The following HDAC4 variants were observed in gnomAD, a reference collection of about 807,000 sequenced individuals.
HDAC4 encodes the protein histone deacetylase A.
In HDAC4, 16 loss-of-function variants were observed where a neutral mutation model predicts 135.1. The ratio of observed to expected loss-of-function variants is 0.12; its 90% CI spans 0.08 to 0.18. HDAC4 has a LOEUF of 0.18. HDAC4 is among the 10% of genes least tolerant of loss of function. HDAC4 has a pLI of 1.00. For missense variants in HDAC4, 1,143 were observed against 1,511.8 expected, an observed-to-expected ratio of 0.76 and a Z score of 4.05; for synonymous variants, 685 against 653.4, an observed-to-expected ratio of 1.05 and a Z score of -0.74.
intron 2 of HDAC4, among the ~76,000 whole-genome samples, chr2:239,351,148 G>T (rs1451390791): frequency 6.6e-6 from 1 of 152,190 alleles, no homozygotes; most frequent in African/African-American, 2.4e-5. Flanking sequence ...AAGTGCACGG[G>T]CTCACTGACC....
intron 4 of HDAC4, among the ~76,000 whole-genome samples, chr2:239,176,926 A>T (rs959236540): frequency 6.6e-6 from 1 of 152,202 alleles, no homozygotes; most frequent in Non-Finnish European, 1.5e-5. Context: ...ACTGCTGGGC[A>T]CTTCCTTATA....
chr2:239,106,923 T>C (rs1335875200), intron 15 of HDAC4, among the ~76,000 whole-genome samples: 1 of 152,178 alleles, frequency 6.6e-6, no homozygotes, highest in African/African-American at 2.4e-5. Context: ...CCCTGTGCGC[T>C]ATCTGTAGGA....
intron 1 of HDAC4, among the ~76,000 whole-genome samples, chr2:239,380,170 C>G (rs532535982): frequency 4.6e-4 from 70 of 152,370 alleles, no homozygotes; most frequent in African/African-American, 1.6e-3. Flanking sequence ...ACAATCAGTT[C>G]TGGAGATCTG....
Position 239,134,617 on chromosome 2 carries a change from T to G in HDAC4, c.1005A>C (p.Ala335=). Residue 335 remains alanine, a synonymous_variant, in exon 10 of 27, where the codon GCA becomes GCC. Coordinates refer to ENST00000543185, the MANE Select transcript of HDAC4 (RefSeq NM_001378414.1). ...AETSLAHRLV[A]REGSAAPLPL... ...GAAGTGGAGCGGCCGAGCCTTCTCG[T>G]GCCACAAGTCTGTGCGCCAAACTCG... 2 of 1,614,186 alleles carry G rather than the reference T, an allele frequency of 1.2e-6. No individual in the cohort carries two copies. Among genetic ancestry groups the G allele is most frequent in the Admixed American group, 1.7e-5 (1 of 60,030 alleles).
In HDAC4 at chr2:239,263,771, C is replaced by G. The variant is rs188008386; in HGVS notation, c.23-27107G>C. Among the ~76,000 whole-genome samples the G allele has an allele frequency of 1.1e-3, 166 of 152,338 alleles. 1 individual carries two copies. The East Asian group carries it at 0.019, about 18-fold the overall frequency. On this transcript the variant is annotated intron_variant, in intron 2 of 26. Transcript: ENST00000543185. The stretch of plus-strand genomic sequence containing the variant: ...ACCGACGGGGGGACAGAGCCCAGTG[C>G]TGCTGTCCTGGGCATGCAGAGCAAG...
chr2:239,353,428 T>C (rs1376011150), intron 1 of HDAC4, among the ~76,000 whole-genome samples: 3 of 152,310 alleles, frequency 2.0e-5, no homozygotes, highest in East Asian at 3.9e-4. Flanking sequence ...CATGTAAAAA[T>C]GTCTCCAGAG....
At chr2:239,223,941 A>C (rs976989342) in intron 3 of HDAC4, among the ~76,000 whole-genome samples, 1 of 151,476 alleles carries the variant, frequency 6.6e-6, no homozygotes, top group African/African-American at 2.4e-5. Context: ...GTTCATGTCC[A>C]TGTATCTTTC....
intron 2 of HDAC4, among the ~76,000 whole-genome samples, chr2:239,330,691 T>C (rs1435837846): frequency 2.0e-5 from 3 of 152,254 alleles, no homozygotes; most frequent in African/African-American, 7.2e-5. Context: ...TAACATCCCC[T>C]GGTCATGAGG....
intron 2 of HDAC4, among the ~76,000 whole-genome samples, chr2:239,269,313 CCACACACATT>C (rs1302958818): frequency 6.6e-6 from 1 of 151,500 alleles, no homozygotes; most frequent in Non-Finnish European, 1.5e-5. Context: ...ATTCACACAC[CCACACACATT>C]CACACACCCA....
rs1047970995 is a variant in HDAC4 at position 239,220,251 on chromosome 2, T to C, written c.94+16342A>G. On this transcript the variant is annotated intron_variant, in intron 3 of 26. Coordinates refer to ENST00000543185, the MANE Select transcript of HDAC4 (RefSeq NM_001378414.1). ...CAAATTCTAGTGAAAGTGGTAAAAA[T>C]TTATAAAGTAATGAACACATCACAT... Among the ~76,000 whole-genome samples the C allele has an allele frequency of 5.3e-5, 8 of 152,282 alleles. No homozygotes were observed. In the East Asian group the frequency reaches 1.5e-3, roughly 29 times the overall value.
intron 2 of HDAC4, among the ~76,000 whole-genome samples, chr2:239,287,367 T>C (rs2051197814): frequency 6.6e-6 from 1 of 152,222 alleles, no homozygotes; most frequent in Non-Finnish European, 1.5e-5. Flanking sequence ...AATCAGAATT[T>C]GTTTGATGTC....
At chr2:239,268,013 TA>T (rs2125191794) in intron 2 of HDAC4, among the ~76,000 whole-genome samples, 1 of 152,384 alleles carries the variant, frequency 6.6e-6, no homozygotes, top group South Asian at 2.1e-4. Flanking sequence ...ATTCCAGGCA[TA>T]AATCTGAATT....
intron 3 of HDAC4, among the ~76,000 whole-genome samples, chr2:239,204,696 G>A (rs945761035): frequency 6.6e-5 from 10 of 152,318 alleles, no homozygotes; most frequent in Admixed American, 5.2e-4. Context: ...AGAGTCTGCC[G>A]CTTCTCGCCC....
chr2:239,220,475 T>C (rs928983838), intron 3 of HDAC4, among the ~76,000 whole-genome samples: 4 of 152,162 alleles, frequency 2.6e-5, no homozygotes, highest in African/African-American at 9.7e-5. Context: ...ATCTGACAGA[T>C]TGCGGATCTA....
chr2:239,192,408 TG>T (rs2045048392), intron 3 of HDAC4, among the ~76,000 whole-genome samples: 1 of 152,242 alleles, frequency 6.6e-6, no homozygotes, highest in Non-Finnish European at 1.5e-5. Flanking sequence ...GCGTAAGCAA[TG>T]CTGGTTTTAT....
chr2:239,145,262 C>A (rs999777131), intron 7 of HDAC4, among the ~76,000 whole-genome samples: 1 of 152,196 alleles, frequency 6.6e-6, no homozygotes, highest in South Asian at 2.1e-4. Context: ...GTCAGTGAGG[C>A]CTCCAGAGCG....
At chr2:239,283,419 C>T (rs1034810028) in intron 2 of HDAC4, among the ~76,000 whole-genome samples, 1 of 152,228 alleles carries the variant, frequency 6.6e-6, no homozygotes, top group African/African-American at 2.4e-5. Context: ...TGGCTACCGC[C>T]CCCCATGAGC....
intron 1 of HDAC4, among the ~76,000 whole-genome samples, chr2:239,357,913 A>G (rs1240570742): frequency 2.3e-4 from 27 of 119,864 alleles, no homozygotes; most frequent in Non-Finnish European, 4.2e-4. Context: ...AAAAAAAAAA[A>G]AAAAGAGAGT....
At chr2:239,120,133 C>T (rs189576765) in intron 12 of HDAC4, among the ~76,000 whole-genome samples, 11 of 152,294 alleles carry the variant, frequency 7.2e-5, no homozygotes, top group South Asian at 2.1e-4. Context: ...TCCCAGCATC[C>T]GGTGGGGCCC....
Sources: allele counts gnomAD v4.1 joint callset (sites outside exome capture counted in the v4.1 genomes callset), GRCh38; gene constraint gnomAD v4.1.1; transcripts MANE v1.5; gene names NCBI Gene and HGNC (gene_info 2026-07-23, HGNC 2026-07-21).